The following PAK1IP1 variants were observed in gnomAD, a reference collection of about 807,000 sequenced individuals.
PAK1IP1 encodes p21-activated protein kinase-interacting protein 1.
In PAK1IP1, 24 loss-of-function variants were observed where a neutral mutation model predicts 42.0. The observed-to-expected ratio is 0.57, with a 90% CI of 0.41 to 0.80. The LOEUF is 0.80. Ranked by LOEUF, PAK1IP1 falls within the 30% of genes least tolerant of loss-of-function variation. PAK1IP1 has a pLI of 0.00. For missense variants in PAK1IP1, 411 were observed against 467.9 expected, an observed-to-expected ratio of 0.88 and a Z score of 1.12; for synonymous variants, 154 against 156.7, an observed-to-expected ratio of 0.98 and a Z score of 0.13.
chr6:10,694,219 C>T (rs1769630484), upstream of PAK1IP1, among the ~76,000 whole-genome samples: 1 of 147,770 alleles, frequency 6.8e-6, no homozygotes, highest in African/African-American at 2.6e-5. Flanking sequence ...GAAATCGCGC[C>T]ACCGGACTCC....
intron 2 of PAK1IP1, among the ~76,000 whole-genome samples, chr6:10,699,221 A>G (rs1190182571): frequency 6.6e-6 from 1 of 151,408 alleles, no homozygotes; most frequent in Non-Finnish European, 1.5e-5. Context: ...AAAAAAAAAA[A>G]AGAGGAAAAG....
chr6:10,690,986 T>C (rs1769242510), upstream of PAK1IP1, among the ~76,000 whole-genome samples: 1 of 152,198 alleles, frequency 6.6e-6, no homozygotes, highest in Admixed American at 6.5e-5. Context: ...CAGCCATGCA[T>C]AAAATGAAAT....
chr6:10,703,626 TA>T (rs1305552889), intron 5 of PAK1IP1, among the ~76,000 whole-genome samples, 169 bp downstream of exon 5: 2 of 152,330 alleles, frequency 1.3e-5, no homozygotes, highest in African/African-American at 4.8e-5. Context: ...CAAAATTATT[TA>T]AAATATTGTG....
upstream of PAK1IP1, among the ~76,000 whole-genome samples, chr6:10,693,105 A>G (rs1769493585): frequency 6.6e-6 from 1 of 152,216 alleles, no homozygotes; most frequent in Non-Finnish European, 1.5e-5. Context: ...TAACTGCGGG[A>G]CATGCTCACA....
At position 10,709,526 on chromosome 6, in the gene PAK1IP1, T is replaced by TC. The variant is rs1554151753; in HGVS notation, c.*77dup. On this transcript the variant is annotated 3_prime_UTR_variant, in exon 10 of 10. Coordinates refer to ENST00000379568, the MANE Select transcript of PAK1IP1 (RefSeq NM_017906.3). ...CAAATGTACCTTAATTTTTTTTTTT[T>TC]CCCTGAGTAAAAGCAAGAAATTTCT... The TC allele has an allele frequency of 2.5e-5, 23 of 937,852 alleles. No individual in the cohort carries two copies. The African/African-American group carries it at 3.1e-4, about 13-fold the overall frequency. 58.1% of individuals were successfully genotyped at this position (937,852 alleles called of 1,614,324 possible). A position where few individuals can be genotyped will look rare whatever the true frequency, so the allele number is the denominator to read the frequency against.
upstream of PAK1IP1, chr6:10,694,612 A>AGTGT: frequency 2.2e-5 from 4 of 183,288 alleles, no homozygotes; most frequent in Admixed American, 1.2e-4. Context: ...AACCGGCCGG[A>AGTGT]AGTCGGCCCC....
chr6:10,695,571 G>T (rs1204514398), intron 1 of PAK1IP1, among the ~76,000 whole-genome samples: 1 of 152,172 alleles, frequency 6.6e-6, no homozygotes, highest in African/African-American at 2.4e-5. Context: ...CCTTAGAGAC[G>T]TTGCCTACAT....
chr6:10,694,589 ACAGCCCCT>A, upstream of PAK1IP1: 12 of 178,132 alleles, frequency 6.7e-5, no homozygotes, highest in South Asian at 4.9e-4. Context: ...TGCCGGCGCT[ACAGCCCCT>A]AAGCAACCGG....
chr6:10,697,558 T>C (rs1769896450), intron 2 of PAK1IP1, 72 bp downstream of exon 2: 1 of 1,160,930 alleles, frequency 8.6e-7, no homozygotes, highest in Non-Finnish European at 1.2e-6. Flanking sequence ...TTGAACAATT[T>C]GTTGTATCTA....
intron 2 of PAK1IP1, among the ~76,000 whole-genome samples, chr6:10,701,086 C>T (rs1436862401): frequency 2.6e-5 from 4 of 151,576 alleles, no homozygotes; most frequent in Non-Finnish European, 5.9e-5. Flanking sequence ...TCTTTCTTTC[C>T]TTCTTTTTTG....
At chr6:10,699,200 C>CAAAAAAAAA (rs796680429) in intron 2 of PAK1IP1, among the ~76,000 whole-genome samples, 1 of 55,406 alleles carries the variant, frequency 1.8e-5, no homozygotes, top group African/African-American at 5.0e-5. Flanking sequence ...GACTCTGTCT[C>CAAAAAAAAA]AAAAAAAAAA....
chr6:10,691,529 G>C (rs537782378), upstream of PAK1IP1, among the ~76,000 whole-genome samples: 11 of 152,022 alleles, frequency 7.2e-5, no homozygotes, highest in African/African-American at 2.2e-4. Flanking sequence ...GTCAGGGGTC[G>C]ATCTTTACCA....
upstream of PAK1IP1, chr6:10,694,586 GC>G: frequency 5.4e-6 from 1 of 185,692 alleles, no homozygotes; most frequent in Admixed American, 5.5e-5. Context: ...CGCTGCCGGC[GC>G]TACAGCCCCT....
rs34602235 is a variant in PAK1IP1 at position 10,709,603 on chromosome 6, T to TAAAA, written c.*164_*167dup. 17 of 284,132 alleles carry TAAAA rather than the reference T, an allele frequency of 6.0e-5. No individual in the cohort carries two copies. The highest frequency in any genetic ancestry group is 1.7e-4 in the African/African-American group (7 of 41,272). The allele number at this position is 284,132 out of a possible 1,614,324, so 17.6% of individuals were successfully genotyped here. On this transcript the variant is annotated 3_prime_UTR_variant, in exon 10 of 10. Transcript: ENST00000379568. Reference sequence around the variant, plus strand: ...AAAACCACTTTTAGATGGTTTTTTTTAAAAAAAAAAAAAAAACTGGTAAAA... The same window carrying TAAAA: ...AAAACCACTTTTAGATGGTTTTTTTTAAAAAAAAAAAAAAAAAAAACTGGTAAAA...
upstream of PAK1IP1, among the ~76,000 whole-genome samples, chr6:10,693,509 GAAGAA>G (rs1769541650): frequency 6.6e-6 from 1 of 152,190 alleles, no homozygotes; most frequent in African/African-American, 2.4e-5. Flanking sequence ...GAACACCAGA[GAAGAA>G]AAGTTATTGG....
chr6:10,701,855 A>G (rs1045993926), intron 2 of PAK1IP1, among the ~76,000 whole-genome samples: 3 of 152,240 alleles, frequency 2.0e-5, no homozygotes, highest in African/African-American at 7.2e-5. Flanking sequence ...ATCTGTATCT[A>G]AACTGGAGAT....
chr6:10,702,611 C>G lies in PAK1IP1; in HGVS notation c.415C>G (p.Leu139Val). The change falls in exon 4 of 10, where the codon CTG (leucine) becomes GTG (valine). Residue 139 changes from leucine to valine, a missense_variant. Leu to Val is a conservative substitution (Grantham distance 32). Coordinates refer to ENST00000379568, the MANE Select transcript of PAK1IP1 (RefSeq NM_017906.3). The stretch of plus-strand genomic sequence containing the variant: ...TATTCACCCATCTGGCAAGTTGGCC[C>G]TGTCGGTTGGTACAGATAAAACTTT... ...LSIHPSGKLA[L>V]SVGTDKTLRT... The G allele has an allele frequency of 6.2e-7, 1 of 1,613,680 alleles. No homozygotes were observed. Among genetic ancestry groups the G allele is most frequent in the Non-Finnish European group, 8.5e-7 (1 of 1,179,864 alleles).
intron 7 of PAK1IP1, among the ~76,000 whole-genome samples, chr6:10,705,393 T>C (rs1373476184): frequency 6.6e-6 from 1 of 152,200 alleles, no homozygotes; most frequent in Non-Finnish European, 1.5e-5. Flanking sequence ...ATTTTTTAAA[T>C]GTCTGTTAGA....
intron 2 of PAK1IP1, among the ~76,000 whole-genome samples, chr6:10,699,540 T>A (rs1769964093): frequency 6.6e-6 from 1 of 152,158 alleles, no homozygotes; most frequent in Admixed American, 6.5e-5. Flanking sequence ...AGTGGCAGAA[T>A]CAAGGGAGAG....
Sources: gnomAD v4.1 joint callset for allele counts (sites outside exome capture counted in the v4.1 genomes callset) on GRCh38, gnomAD v4.1.1 for gene constraint, MANE v1.5 for transcripts, NCBI Gene and HGNC (gene_info 2026-07-23, HGNC 2026-07-21) for gene names.